HEATR5A: variants seen among roughly 807,000 people sequenced by gnomAD.
HEATR5A encodes the protein HEAT repeat-containing protein 5A.
Under a neutral mutation model 218.8 loss-of-function variants are expected in HEATR5A, and 178 were observed. That is an observed-to-expected ratio of 0.81 (90% CI 0.72 to 0.92). The LOEUF is 0.92. Among genes scored for constraint, HEATR5A ranks in the 40% least tolerant of loss-of-function variants. The pLI, the probability that HEATR5A is intolerant of heterozygous loss-of-function variation, is 0.00. For synonymous variants in HEATR5A, 864 were observed against 871.6 expected, an observed-to-expected ratio of 0.99 and a Z score of 0.15; for missense variants, 2,420 against 2,418.9, an observed-to-expected ratio of 1.00 and a Z score of -0.01.
chr14:31,395,268 C>T lies in HEATR5A; in HGVS notation c.528G>A (p.Arg176=). Residue 176 remains arginine (R), a synonymous_variant, in exon 5 of 36, where the codon AGG becomes AGA. Transcript: ENST00000543095. ...AGGATCTAGCAGCTTTATAAACATCCCTGTGACAAGGTGCAGCGGCAGCTC... is the reference window on the plus strand; with the variant it reads ...AGGATCTAGCAGCTTTATAAACATCTCTGTGACAAGGTGCAGCGGCAGCTC... ...GLGAAAAPCH[R]DVYKAARSCL... is the part of the protein sequence containing the mutation. 6.5e-7 allele frequency: 1 copy of T among 1,531,342 alleles called. No individual in the cohort carries two copies. Among genetic ancestry groups the T allele is most frequent in the African/African-American group, 1.4e-5 (1 of 73,104 alleles). 94.9% of individuals were successfully genotyped at this position (1,531,342 alleles called of 1,614,324 possible). A position where few individuals can be genotyped will look rare whatever the true frequency, so the allele number is the denominator to read the frequency against.
chr14:31,359,209 T>G (rs1386385696), intron 14 of HEATR5A, among the ~76,000 whole-genome samples, 152 bp from the exon 15 acceptor site: 1 of 151,840 alleles, frequency 6.6e-6, no homozygotes, highest in Non-Finnish European at 1.5e-5. Flanking sequence ...AAAACTGCCC[T>G]AGAAATGACT....
intron 1 of HEATR5A, among the ~76,000 whole-genome samples, chr14:31,413,462 T>A (rs1816401840): frequency 1.3e-5 from 2 of 151,606 alleles, no homozygotes. Flanking sequence ...GATTCCATGA[T>A]GGCGAGATTG....
At chr14:31,320,355 T>C (rs1900051935) in intron 25 of HEATR5A, 1 of 868,116 alleles carries the variant, frequency 1.2e-6, no homozygotes, top group Non-Finnish European at 2.0e-6. Flanking sequence ...TAGACAATAA[T>C]CAAGCTGCCA....
chr14:31,361,900 T>C (rs1317325101), intron 14 of HEATR5A, among the ~76,000 whole-genome samples: 11 of 152,140 alleles, frequency 7.2e-5, no homozygotes, highest in Admixed American at 7.2e-4. Context: ...TCCTAGAAAC[T>C]GACTCTTTGA....
At chr14:31,318,807 T>C (rs1899995212) in intron 25 of HEATR5A, among the ~76,000 whole-genome samples, 1 of 152,050 alleles carries the variant, frequency 6.6e-6, no homozygotes, top group Admixed American at 6.6e-5. Context: ...TCTTAATCCA[T>C]ATTGTTGTTT....
rs1366467699 is a variant in HEATR5A at position 31,321,663 on chromosome 14, G to A, written c.3805C>T (p.His1269Tyr). The A allele has an allele frequency of 6.2e-7, 1 of 1,600,794 alleles. No individual in the cohort carries two copies. The highest frequency in any genetic ancestry group is 8.5e-7 in the Non-Finnish European group (1 of 1,174,416). ...GCCATGCGAATTAAGTCAGCAAGAT[G>A]CAGTACCAAAAAGTCATCTATAAGA... The part of the protein sequence containing the change: ...RDSRNDFLVL[H>Y]LADLIRMAFM... The change falls in exon 25 of 36, where the codon CAT (histidine) becomes TAT (tyrosine). Residue 1269 changes from histidine to tyrosine, a missense_variant. By Grantham distance (83) the His-to-Tyr change is moderately conservative (BLOSUM62 2). Coordinates refer to ENST00000543095, the MANE Select transcript of HEATR5A (RefSeq NM_015473.4).
chr14:31,398,722 G>C lies in HEATR5A; in HGVS notation c.398C>G (p.Thr133Ser). 1.3e-6 allele frequency: 2 copies of C among 1,532,818 alleles called. No individual in the cohort carries two copies. The highest frequency in any genetic ancestry group is 1.7e-6 in the Non-Finnish European group (2 of 1,143,694). 95.0% of individuals were successfully genotyped at this position (1,532,818 alleles called of 1,614,324 possible). A position where few individuals can be genotyped will look rare whatever the true frequency, so the allele number is the denominator to read the frequency against. Residue 133 changes from threonine to serine, a missense_variant, in exon 4 of 36, where the codon ACC (threonine) becomes AGC (serine). By Grantham distance (58) the Thr-to-Ser change is moderately conservative. Coordinates refer to ENST00000543095, the MANE Select transcript of HEATR5A (RefSeq NM_015473.4). ...AATATTCCCCACTGTATCAGTAAAG[G>C]TGTTACCCAGTATTCTACCCAACTT... Reference protein sequence around the residue: ...YKKLGRILGNTFTDTVGNILK... With the variant: ...YKKLGRILGNSFTDTVGNILK...
At chr14:31,331,040 C>T (rs1320886453) in intron 22 of HEATR5A, among the ~76,000 whole-genome samples, 2 of 144,518 alleles carry the variant, frequency 1.4e-5, no homozygotes, top group Non-Finnish European at 3.0e-5. Flanking sequence ...CTCCTGGGTT[C>T]AAACGATTCT....
chr14:31,324,023 G>A (rs1270122383), intron 23 of HEATR5A, among the ~76,000 whole-genome samples: 1 of 151,820 alleles, frequency 6.6e-6, no homozygotes, highest in East Asian at 1.9e-4. Context: ...ACTGTTCCAG[G>A]TCAAAATGAC....
chr14:31,343,533 G>T (rs1442549923), intron 21 of HEATR5A, among the ~76,000 whole-genome samples: 1 of 152,110 alleles, frequency 6.6e-6, no homozygotes, highest in Non-Finnish European at 1.5e-5. Context: ...GGGATGCAAA[G>T]AACTTAGAAT....
At chr14:31,352,791 C>T (rs1901278761) in intron 16 of HEATR5A, among the ~76,000 whole-genome samples, 1 of 151,988 alleles carries the variant, frequency 6.6e-6, no homozygotes, top group African/African-American at 2.4e-5. Flanking sequence ...AACTCCATCT[C>T]TATTAAAAAT....
chr14:31,365,410 G>C (rs1901765162), intron 13 of HEATR5A, among the ~76,000 whole-genome samples: 1 of 151,550 alleles, frequency 6.6e-6, no homozygotes, highest in South Asian at 2.1e-4. Context: ...GCCCAGGCTG[G>C]AGTGCAGTGA....
chr14:31,341,762 AATT>A (rs1274594862), intron 21 of HEATR5A, among the ~76,000 whole-genome samples: 2 of 152,242 alleles, frequency 1.3e-5, no homozygotes, highest in African/African-American at 4.8e-5. Context: ...AATAAACTTT[AATT>A]AATAAAAAAA....
rs551522824 is a variant in HEATR5A at position 31,363,108 on chromosome 14, G to A, written c.2071+1081C>T. 4.6e-5 allele frequency among the ~76,000 whole-genome samples: 7 copies of A among 151,946 alleles called. No homozygotes were observed. The East Asian group carries it at 7.8e-4, about 17-fold the overall frequency. On this transcript the variant is annotated intron_variant, in intron 14 of 35. Transcript: ENST00000543095. The stretch of plus-strand genomic sequence containing the variant: ...AAAAAAATTAGCCAGGCATGGTAGC[G>A]CATGCCTGTAGTTCCAGCTACTCCG...
intron 13 of HEATR5A, among the ~76,000 whole-genome samples, chr14:31,369,258 G>A (rs1901926744): frequency 6.6e-6 from 1 of 152,104 alleles, no homozygotes; most frequent in South Asian, 2.1e-4. Context: ...TGGGGCTGCA[G>A]TGAACCATGT....
At position 31,349,890 on chromosome 14, in the gene HEATR5A, G is replaced by A; in HGVS notation, c.2607C>T (p.Asn869=). 6.2e-6 allele frequency: 10 copies of A among 1,612,466 alleles called. No homozygotes were observed. Among genetic ancestry groups the A allele is most frequent in the Non-Finnish European group, 8.5e-6 (10 of 1,178,954 alleles). Residue 869 remains asparagine (N), a synonymous_variant, in exon 18 of 36, where the codon AAC becomes AAT. Coordinates refer to ENST00000543095, the MANE Select transcript of HEATR5A (RefSeq NM_015473.4). The stretch of plus-strand genomic sequence containing the variant: ...CTGCAGCTGCACATCTCAGCAAGGG[G>A]TTGGGGCTTTCTAGGGCTCCCATAA... The part of the protein sequence containing the change: ...TLVMGALESP[N]PLLRCAAAES...
rs536486234 is a variant in HEATR5A, at chr14:31,420,540, T to C, written c.-143A>G. 3 of 152,520 alleles carry C rather than the reference T, an allele frequency of 2.0e-5. No individual in the cohort carries two copies. The highest frequency in any genetic ancestry group is 7.2e-5 in the African/African-American group (3 of 41,552). The allele number at this position is 152,520 out of a possible 1,614,324, so 9.4% of individuals were successfully genotyped here. ...ACGTTACCGGCTGCTCTGCTAACCC[T>C]AGCAGAGTCTGGAATTGCCGGCGGC... On this transcript the variant is annotated 5_prime_UTR_variant, in exon 1 of 36. Transcript: ENST00000543095.
Position 31,380,461 on chromosome 14 carries a change from T to A in HEATR5A, c.1708+6A>T. On this transcript the variant is annotated splice_donor_region_variant and intron_variant, in intron 11 of 35. Coordinates refer to ENST00000543095, the MANE Select transcript of HEATR5A (RefSeq NM_015473.4). ...CAAGGTATGTAAACCTTCTACAGAC[T>A]GTTACCTAATGTCATCAGAGCAGAA... The A allele has an allele frequency of 1.3e-6, 2 of 1,570,682 alleles. No homozygotes were observed. Among genetic ancestry groups the A allele is most frequent in the Non-Finnish European group, 8.7e-7 (1 of 1,147,198 alleles).
chr14:31,388,802 G>A (rs2030335474), intron 7 of HEATR5A, 43 bp downstream of exon 7: 3 of 1,523,564 alleles, frequency 2.0e-6, no homozygotes, highest in Non-Finnish European at 1.8e-6. Flanking sequence ...TTTCATTATA[G>A]GCCAGTAAGA....
Sources: allele counts gnomAD v4.1 joint callset (sites outside exome capture counted in the v4.1 genomes callset), GRCh38; gene constraint gnomAD v4.1.1; transcripts MANE v1.5; gene names NCBI Gene and HGNC (gene_info 2026-07-23, HGNC 2026-07-21).